The following IQSEC1 variants were observed in gnomAD, a reference collection of about 807,000 sequenced individuals.
IQSEC1 encodes IQ motif and SEC7 domain-containing protein 1.
A neutral mutation model predicts 91.0 loss-of-function variants in IQSEC1; 31 were observed. That is an observed-to-expected ratio of 0.34 (90% CI 0.26 to 0.46). IQSEC1 has a LOEUF of 0.46. Ranked by LOEUF, IQSEC1 falls within the 20% of genes least tolerant of loss-of-function variation. The probability of loss-of-function intolerance (pLI) is 1.00; values close to 1 mark genes in which losing one functional copy is unlikely to be tolerated. For synonymous variants in IQSEC1, 699 were observed against 662.6 expected (o/e 1.05, Z -0.84); for missense variants, 1,388 against 1,575.6 (o/e 0.88, Z 2.02).
chr3:13,100,960 C>T (rs540014263), intron 2 of IQSEC1, among the ~76,000 whole-genome samples: 1 of 148,312 alleles, frequency 6.7e-6, no homozygotes, highest in South Asian at 2.1e-4. Context: ...GAGACCTGAA[C>T]GAGGCCTGCC....
intron 1 of IQSEC1, among the ~76,000 whole-genome samples, chr3:13,223,449 C>A (rs1694697547): frequency 6.6e-6 from 1 of 152,194 alleles, no homozygotes; most frequent in Admixed American, 6.5e-5. Flanking sequence ...TCTCCGCCCA[C>A]CCAGCAGAGT....
chr3:13,225,448 T>C lies in IQSEC1; in HGVS notation c.272+57263A>G, dbSNP rs573502932. On this transcript the variant is annotated intron_variant, in intron 1 of 15. Coordinates refer to the IQSEC1 transcript ENST00000648114. The stretch of plus-strand genomic sequence containing the variant: ...ATTCTGTTATGATTTGGGCCTGTTT[T>C]TCTCTCTCTGGAACATATGGGCTGT... 2.0e-5 allele frequency among the ~76,000 whole-genome samples: 3 copies of C among 152,374 alleles called. No homozygotes were observed. In the East Asian group the frequency reaches 5.8e-4, roughly 29 times the overall value.
At chr3:13,129,655 A>ATTTTTT (rs35069619) in intron 2 of IQSEC1, among the ~76,000 whole-genome samples, 6 of 118,330 alleles carry the variant, frequency 5.1e-5, no homozygotes, top group African/African-American at 1.3e-4. Context: ...CATCTTATGA[A>ATTTTTT]TTTTTTTTTT....
chr3:13,251,411 A>G (rs998167284), intron 1 of IQSEC1, among the ~76,000 whole-genome samples: 3 of 152,214 alleles, frequency 2.0e-5, no homozygotes, highest in Admixed American at 6.5e-5. Flanking sequence ...AGCAACTGGA[A>G]CAGTTCTGGC....
chr3:13,276,075 G>T (rs1695672363), intron 1 of IQSEC1, among the ~76,000 whole-genome samples: 2 of 119,134 alleles, frequency 1.7e-5, no homozygotes, highest in South Asian at 3.2e-4. Flanking sequence ...ATCCTCAAAA[G>T]CATTCTTTTT....
chr3:13,235,110 C>T (rs755274228), intron 1 of IQSEC1, among the ~76,000 whole-genome samples: 1 of 152,156 alleles, frequency 6.6e-6, no homozygotes, highest in Non-Finnish European at 1.5e-5. Context: ...AGAGATCCAT[C>T]GGTTTCCTCT....
intron 2 of IQSEC1, among the ~76,000 whole-genome samples, chr3:13,130,385 G>T (rs115038983): frequency 0.025 from 3,710 of 148,162 alleles, 86 homozygotes; most frequent in Non-Finnish European, 0.04. Flanking sequence ...GAAATGTATT[G>T]TTTATTTTCC....
rs1174520236 is a variant in IQSEC1 at position 12,897,243 on chromosome 3, T to G, written c.*3740A>C. On this transcript the variant is annotated 3_prime_UTR_variant, in exon 14 of 14. Coordinates refer to ENST00000613206, the MANE Select transcript of IQSEC1 (RefSeq NM_001134382.3). Reference sequence around the variant, plus strand: ...CGAGAGTTTCAAAGGATTTATTTGATTTCCCCACATGATCACAACCATGGT... The same window carrying G: ...CGAGAGTTTCAAAGGATTTATTTGAGTTCCCCACATGATCACAACCATGGT... The G allele has an allele frequency of 6.6e-6, 1 of 152,232 alleles. No homozygotes were observed. The highest frequency in any genetic ancestry group is 2.4e-5 in the African/African-American group (1 of 41,468). 9.4% of individuals were successfully genotyped at this position (152,232 alleles called of 1,614,324 possible).
intron 1 of IQSEC1, among the ~76,000 whole-genome samples, chr3:13,254,427 G>A (rs1279109388): frequency 1.3e-5 from 2 of 152,194 alleles, no homozygotes; most frequent in African/African-American, 4.8e-5. Context: ...ACCTCCAACT[G>A]GTGATCAGGA....
In IQSEC1 at chr3:12,940,894, G is replaced by A. The variant is rs1698687244; in HGVS notation, c.318+677C>T. ...CCTCGCTCTTTCCTCTGCACCCCAG[G>A]ATTCTCCTCTCCTGGCTCAACCCTG... On this transcript the variant is annotated intron_variant, in intron 2 of 13. Transcript: ENST00000613206. This position sits in a 1 kb window ranked among gnomAD's most constrained non-coding sequence, Gnocchi z 4.4. Among the ~76,000 whole-genome samples the A allele has an allele frequency of 6.6e-6, 1 of 152,190 alleles. No homozygotes were observed. The highest frequency in any genetic ancestry group is 1.5e-5 in the Non-Finnish European group (1 of 68,012).
chr3:13,095,273 AC>A (rs1252734800), intron 2 of IQSEC1, among the ~76,000 whole-genome samples: 1 of 151,010 alleles, frequency 6.6e-6, no homozygotes. Context: ...TCAATCCCCG[AC>A]CCCCACCTCC....
chr3:13,057,404 C>T (rs541874039), intron 1 of IQSEC1, among the ~76,000 whole-genome samples: 1 of 152,312 alleles, frequency 6.6e-6, no homozygotes, highest in African/African-American at 2.4e-5. Context: ...GTCTACAGGA[C>T]AGCCCCTCAA....
In IQSEC1 at chr3:13,193,292, G is replaced by A. The variant is rs58731248; in HGVS notation, c.273-29159C>T. On this transcript the variant is annotated intron_variant, in intron 1 of 15. Transcript: ENST00000648114. This position sits in a 1 kb window ranked among gnomAD's most constrained non-coding sequence, Gnocchi z 4.2. ...CAGCTTCAGCCCCACTGATGACTGCGCTTCTGAGCCATTTCCGGCCTGTGG... is the reference window on the plus strand; with the variant it reads ...CAGCTTCAGCCCCACTGATGACTGCACTTCTGAGCCATTTCCGGCCTGTGG... 0.054 allele frequency among the ~76,000 whole-genome samples: 8,186 copies of A among 152,252 alleles called. 396 individuals are homozygous for A. Among genetic ancestry groups the A allele is most frequent in the African/African-American group, 0.13 (5,411 of 41,520 alleles).
chr3:13,215,910 C>T (rs1245986398), intron 1 of IQSEC1, among the ~76,000 whole-genome samples: 4 of 152,202 alleles, frequency 2.6e-5, no homozygotes, highest in Non-Finnish European at 5.9e-5. Context: ...ATCCTCCGAG[C>T]CCCAGAGCAG....
intron 2 of IQSEC1, among the ~76,000 whole-genome samples, chr3:13,107,606 C>T (rs1706172820): frequency 6.6e-6 from 1 of 152,250 alleles, no homozygotes; most frequent in Non-Finnish European, 1.5e-5. Context: ...CTTTGCTCAG[C>T]ACCAAGTTGG....
intron 2 of IQSEC1, among the ~76,000 whole-genome samples, chr3:13,083,836 G>A (rs1486012248): frequency 1.3e-5 from 2 of 152,264 alleles, no homozygotes; most frequent in East Asian, 3.9e-4. Flanking sequence ...AGCACCTTGT[G>A]CGCAGCCTGG....
At chr3:13,182,101 G>A (rs1389328193) in intron 1 of IQSEC1, among the ~76,000 whole-genome samples, 1 of 152,242 alleles carries the variant, frequency 6.6e-6, no homozygotes, top group African/African-American at 2.4e-5. Flanking sequence ...CTCATGGTCT[G>A]CAGAGCTACC....
chr3:13,052,179 C>T (rs1282422883), intron 1 of IQSEC1, among the ~76,000 whole-genome samples: 3 of 152,204 alleles, frequency 2.0e-5, no homozygotes, highest in African/African-American at 4.8e-5. Flanking sequence ...CCAGGCTCTC[C>T]GGGCACCCTC....
chr3:13,267,608 T>C (rs1695514550), intron 1 of IQSEC1, among the ~76,000 whole-genome samples: 1 of 150,478 alleles, frequency 6.6e-6, no homozygotes, highest in South Asian at 2.1e-4. Context: ...AAATTTCTTT[T>C]TTTTTTCTTT....
Sources: allele counts gnomAD v4.1 joint callset (sites outside exome capture counted in the v4.1 genomes callset), GRCh38; gene constraint gnomAD v4.1.1; non-coding constraint Gnocchi (gnomAD v3.1); transcripts MANE v1.5; gene names NCBI Gene and HGNC (gene_info 2026-07-23, HGNC 2026-07-21).